DMBT1: variants seen among roughly 807,000 people sequenced by gnomAD.
DMBT1 encodes scavenger receptor cysteine-rich domain-containing protein DMBT1.
In DMBT1, 198 loss-of-function variants were observed where a neutral mutation model predicts 252.9. The observed-to-expected ratio is 0.78, with a 90% CI of 0.70 to 0.88. DMBT1 has a LOEUF of 0.88. Ranked by LOEUF, DMBT1 falls within the 40% of genes least tolerant of loss-of-function variation. The pLI, the probability that DMBT1 is intolerant of heterozygous loss-of-function variation, is 0.00. For synonymous variants in DMBT1, 990 were observed against 942.7 expected, an observed-to-expected ratio of 1.05 and a Z score of -0.92; for missense variants, 2,432 against 2,404.7, an observed-to-expected ratio of 1.01 and a Z score of -0.24.
chr10:122,630,914 T>G, intron 48 of DMBT1, 47 bp from the exon 49 acceptor site: 12 of 1,544,846 alleles, frequency 7.8e-6, no homozygotes, highest in Non-Finnish European at 1.1e-5. Context: ...TTGTGGGACA[T>G]TTGTTGTGGG....
chr10:122,560,795 G>T lies in DMBT1; in HGVS notation c.25G>T (p.Glu9Ter). The change falls in exon 1 of 56, where the codon GAA (glutamate) becomes TAA (stop). Residue 9 changes from glutamate to a stop codon, truncating the protein, a stop_gained. Coordinates refer to ENST00000338354, the MANE Select transcript of DMBT1 (RefSeq NM_001377530.1). LOFTEE classifies it high-confidence loss of function. MGISTVILEMCLLWGQVLS... is the reference protein window; with the variant it reads MGISTVIL ...AATGGGGATCTCCACAGTCATCCTTGAAATGTGTCTTTTATGGGGACAAGT... is the reference window on the plus strand; with the variant it reads ...AATGGGGATCTCCACAGTCATCCTTTAAATGTGTCTTTTATGGGGACAAGT... 1 of 1,574,706 alleles carries T rather than the reference G, an allele frequency of 6.4e-7. No homozygotes were observed. The highest frequency in any genetic ancestry group is 2.3e-5 in the East Asian group (1 of 43,438).
At chr10:122,624,467 T>G (rs534020115) in intron 44 of DMBT1, among the ~76,000 whole-genome samples, 1 of 152,304 alleles carries the variant, frequency 6.6e-6, no homozygotes, top group South Asian at 2.1e-4. Context: ...ATTCTGAACT[T>G]CACTTGACCT....
rs779026799 is a variant in DMBT1, at chr10:122,599,054, C to G, written c.3237C>G (p.Ser1079=). ...LWSCPHNGWL[S]HNCGHSEDAG... ...GCTGCCCCCACAATGGCTGGCTCTCCCACAACTGTGGCCATAGTGAAGACG... is the reference window on the plus strand; with the variant it reads ...GCTGCCCCCACAATGGCTGGCTCTCGCACAACTGTGGCCATAGTGAAGACG... The change falls in exon 26 of 56, where the codon TCC becomes TCG. Residue 1079 remains serine, a synonymous_variant. Coordinates refer to ENST00000338354, the MANE Select transcript of DMBT1 (RefSeq NM_001377530.1). The G allele has an allele frequency of 6.2e-7, 1 of 1,613,824 alleles. No homozygotes were observed. Among genetic ancestry groups the G allele is most frequent in the Non-Finnish European group, 8.5e-7 (1 of 1,179,748 alleles).
rs760879660 is a variant in DMBT1 at position 122,579,812 on chromosome 10, G to A, written c.914G>A (p.Gly305Glu). Residue 305 changes from glycine (G) to glutamate (E), a missense_variant, in exon 10 of 56, where the codon GGA becomes GAA. Physicochemically the swap from Gly to Glu is moderately conservative, Grantham distance 98. Transcript: ENST00000338354. Reference protein sequence around the residue: ...PIVLDDVRCSGHESYLWSCPH... With the variant: ...PIVLDDVRCSEHESYLWSCPH... ...GTCCTGGATGATGTGCGCTGCTCAG[G>A]ACATGAGTCCTACCTGTGGAGCTGC... The A allele has an allele frequency of 6.2e-7, 1 of 1,607,246 alleles. No homozygotes were observed. The highest frequency in any genetic ancestry group is 2.2e-5 in the East Asian group (1 of 44,850).
chr10:122,631,640 C>T (rs1263271136), intron 49 of DMBT1, among the ~76,000 whole-genome samples: 1 of 152,106 alleles, frequency 6.6e-6, no homozygotes, highest in Non-Finnish European at 1.5e-5. Context: ...GTGTTATGAC[C>T]TCAGCTGTAA....
intron 52 of DMBT1, among the ~76,000 whole-genome samples, chr10:122,635,068 A>C (rs1172380882): frequency 6.6e-6 from 1 of 152,234 alleles, no homozygotes; most frequent in Non-Finnish European, 1.5e-5. Context: ...AAGCTGATGC[A>C]GTCCTATGGG....
Position 122,589,168 on chromosome 10 carries a change from C to A in DMBT1, c.2008C>A (p.Arg670Ser). 1 of 1,588,326 alleles carries A rather than the reference C, an allele frequency of 6.3e-7. No individual in the cohort carries two copies. Among genetic ancestry groups the A allele is most frequent in the Non-Finnish European group, 8.6e-7 (1 of 1,165,732 alleles). The change falls in exon 17 of 56, where the codon CGC (arginine) becomes AGC (serine). Residue 670 changes from arginine to serine, a missense_variant. Arg to Ser is a moderately radical substitution (Grantham distance 110). Transcript: ENST00000338354. ...AGGACCCATTGTCCTGGATGATGTG[C>A]GCTGCTCAGGACATGAGTCCTACCT... ...GSGPIVLDDVRCSGHESYLWS... is the reference protein window; with the variant it reads ...GSGPIVLDDVSCSGHESYLWS...
chr10:122,574,785 G>A (rs2097697258), intron 6 of DMBT1, among the ~76,000 whole-genome samples: 1 of 152,246 alleles, frequency 6.6e-6, no homozygotes, highest in Non-Finnish European at 1.5e-5. Context: ...TCCAGCCAGG[G>A]ATGGGAGTGA....
At position 122,640,226 on chromosome 10, in the gene DMBT1, G is replaced by A; in HGVS notation, c.7129G>A (p.Val2377Ile). ...TAATAACACCATCCAGGTCGAGGAA[G>A]TCCAGTATGGCAATTTTGACGTGAA... ...VANNTIQVEE[V>I]QYGNFDVNIS... Residue 2377 changes from valine (V) to isoleucine (I), a missense_variant, in exon 55 of 56, where the codon GTC (valine) becomes ATC (isoleucine). By Grantham distance (29) the Val-to-Ile change is conservative. Transcript: ENST00000338354. 6.2e-7 allele frequency: 1 copy of A among 1,614,064 alleles called. No homozygotes were observed. Among genetic ancestry groups the A allele is most frequent in the Non-Finnish European group, 8.5e-7 (1 of 1,179,898 alleles).
intron 55 of DMBT1, among the ~76,000 whole-genome samples, chr10:122,642,175 G>GAAAAAA (rs59805964): frequency 7.0e-6 from 1 of 143,376 alleles, no homozygotes; most frequent in African/African-American, 2.6e-5. Flanking sequence ...GAGCTACTGT[G>GAAAAAA]AAAAAAAAAA....
rs201051051 is a variant in DMBT1 at position 122,617,219 on chromosome 10, T to A, written c.4859-9T>A. The A allele has an allele frequency of 9.7e-4, 1,561 of 1,609,006 alleles. 24 individuals are homozygous for A. The highest frequency in any genetic ancestry group is 6.1e-3 in the South Asian group (550 of 90,880). On this transcript the variant is annotated splice_polypyrimidine_tract_variant and intron_variant, in intron 39 of 55. Transcript: ENST00000338354. ...TAATTCTGTCTTTTTTCTTTGTTGC[T>A]ATTTACAGACACTTGGCCAACCTCT...
intron 27 of DMBT1, among the ~76,000 whole-genome samples, chr10:122,600,559 T>C (rs140272556): frequency 3.2e-4 from 48 of 152,318 alleles, no homozygotes; most frequent in South Asian, 8.3e-4. Context: ...AGTTTGTGCT[T>C]GGGCAGGGAG....
chr10:122,639,211 C>A (rs1380570873), intron 54 of DMBT1, among the ~76,000 whole-genome samples: 1 of 152,210 alleles, frequency 6.6e-6, no homozygotes, highest in African/African-American at 2.4e-5. Context: ...GCACCACAGG[C>A]AAATGTGACA....
At chr10:122,626,636 G>C (rs575845590) in intron 46 of DMBT1, among the ~76,000 whole-genome samples, 1 of 152,294 alleles carries the variant, frequency 6.6e-6, no homozygotes, top group African/African-American at 2.4e-5. Flanking sequence ...CTTGCTGTGT[G>C]TATGGTCAAA....
Position 122,588,961 on chromosome 10 carries a change from G to A in DMBT1, c.1801G>A (p.Ala601Thr). 1.3e-6 allele frequency: 2 copies of A among 1,588,092 alleles called. No homozygotes were observed. Among genetic ancestry groups the A allele is most frequent in the Non-Finnish European group, 1.7e-6 (2 of 1,165,752 alleles). ...TCCTATAGGACCTGAATCCAGTTTG[G>A]CCCTGAGGCTGGTGAATGGAGGTGA... ...VICSGPESSL[A>T]LRLVNGGDRC... The change falls in exon 17 of 56, where the codon GCC becomes ACC. Residue 601 changes from alanine (A) to threonine (T), a missense_variant. Physicochemically the swap from Ala to Thr is moderately conservative, Grantham distance 58. Around this residue, in one of 3 missense-constraint regions of DMBT1, gnomAD observed 1,264 missense variants for 1,082.2 expected, o/e 1.17. Coordinates refer to ENST00000338354, the MANE Select transcript of DMBT1 (RefSeq NM_001377530.1).
chr10:122,623,513 T>C (rs2098089939), intron 44 of DMBT1, among the ~76,000 whole-genome samples: 1 of 152,168 alleles, frequency 6.6e-6, no homozygotes, highest in Admixed American at 6.5e-5. Flanking sequence ...AAATTTGCAT[T>C]CCCCCAAGCA....
rs758499992 is a variant in DMBT1 at position 122,570,895 on chromosome 10, C to T, written c.145C>T (p.Pro49Ser). Residue 49 changes from proline (P) to serine (S), a missense_variant, in exon 4 of 56, where the codon CCA becomes TCA. Physicochemically the swap from Pro to Ser is moderately conservative, Grantham distance 74 (BLOSUM62 -1). Coordinates refer to ENST00000338354, the MANE Select transcript of DMBT1 (RefSeq NM_001377530.1). ...PLDPTVAEGS[P>S]FPSESTLEST... ...TTCCTTTCTCCACCCTGCAGGTTCT[C>T]CATTTCCCTCGGAGTCGACCCTGGA... 1 of 1,613,420 alleles carries T rather than the reference C, an allele frequency of 6.2e-7. No individual in the cohort carries two copies. The highest frequency in any genetic ancestry group is 8.5e-7 in the Non-Finnish European group (1 of 1,179,368).
At chr10:122,585,849 C>T (rs112792291) in intron 15 of DMBT1, among the ~76,000 whole-genome samples, 1 of 148,794 alleles carries the variant, frequency 6.7e-6, no homozygotes, top group African/African-American at 2.4e-5. Flanking sequence ...AGTAGGGTCA[C>T]AGGTGCTTCC....
intron 5 of DMBT1, among the ~76,000 whole-genome samples, chr10:122,572,626 G>A (rs2097675262): frequency 6.6e-6 from 1 of 151,970 alleles, no homozygotes; most frequent in Admixed American, 6.6e-5. Flanking sequence ...AGTGTGAGTG[G>A]TACCACCCCT....
Sources: allele counts gnomAD v4.1 joint callset (sites outside exome capture counted in the v4.1 genomes callset), GRCh38; gene constraint gnomAD v4.1.1; regional missense constraint gnomAD v4.1.1; transcripts MANE v1.5; gene names NCBI Gene and HGNC (gene_info 2026-07-23, HGNC 2026-07-21).